The following FAM227B variants were observed in gnomAD, a reference collection of about 807,000 sequenced individuals.
The protein encoded by FAM227B is family with sequence similarity 227 member B.
FAM227B carries 88 observed loss-of-function variants against 73.8 expected under a neutral mutation model. The ratio of observed to expected loss-of-function variants is 1.19; its 90% CI spans 1.00 to 1.42. The LOEUF (loss-of-function observed/expected upper bound fraction) is 1.42. Ranked by LOEUF, FAM227B falls within the 40% of genes most tolerant of loss-of-function variation. The pLI is 0.00. For missense variants in FAM227B, 632 were observed against 590.9 expected, an observed-to-expected ratio of 1.07 and a Z score of -0.72; for synonymous variants, 210 against 190.5, an observed-to-expected ratio of 1.10 and a Z score of -0.84.
At chr15:49,424,184 C>T (rs1264076282) in intron 11 of FAM227B, 96 of 976,292 alleles carry the variant, frequency 9.8e-5, no homozygotes, top group Non-Finnish European at 1.4e-4. Context: ...ACTACTCTTT[C>T]TTAAATCAAT....
intron 11 of FAM227B, among the ~76,000 whole-genome samples, chr15:49,469,856 T>C (rs1343613228): frequency 6.6e-6 from 1 of 152,086 alleles, no homozygotes; most frequent in East Asian, 1.9e-4. Context: ...CTCTAAGAAG[T>C]CATAATGATA....
chr15:49,453,403 C>T (rs925854213), intron 11 of FAM227B, among the ~76,000 whole-genome samples: 1 of 152,060 alleles, frequency 6.6e-6, no homozygotes, highest in African/African-American at 2.4e-5. Context: ...CGTGCCTGGC[C>T]CAGTATAAAA....
intron 13 of FAM227B, among the ~76,000 whole-genome samples, chr15:49,336,653 A>T (rs945603351): frequency 1.3e-5 from 2 of 152,102 alleles, no homozygotes; most frequent in African/African-American, 4.8e-5. Context: ...ATTTTATTCA[A>T]TTTATTTAAA....
rs35392010 is a variant in FAM227B at position 49,568,349 on chromosome 15, TAA to T, written c.646-5_646-4del. 6.3e-7 allele frequency: 1 copy of T among 1,597,290 alleles called. No homozygotes were observed. The highest frequency in any genetic ancestry group is 8.5e-7 in the Non-Finnish European group (1 of 1,172,160). ...CAATCTTGGTTTTCTCTGTCAGGCT[TAA>T]AAAAATGTGTGAAATTAAAGTCAAT... On this transcript the variant is annotated splice_polypyrimidine_tract_variant and splice_region_variant and intron_variant, in intron 8 of 15. Coordinates refer to ENST00000299338, the MANE Select transcript of FAM227B (RefSeq NM_152647.3).
intron 12 of FAM227B, among the ~76,000 whole-genome samples, chr15:49,370,558 T>C (rs1226441962): frequency 1.3e-5 from 2 of 152,192 alleles, no homozygotes; most frequent in Non-Finnish European, 2.9e-5. Flanking sequence ...TTTATTAAAC[T>C]TGGGTTATTA....
chr15:49,484,769 T>A, intron 11 of FAM227B: 1 of 295,516 alleles, frequency 3.4e-6, no homozygotes, highest in Non-Finnish European at 6.2e-6. Flanking sequence ...ACAATCATGA[T>A]GTTAGTAACA....
At chr15:49,557,217 T>A (rs1391869153) in intron 9 of FAM227B, among the ~76,000 whole-genome samples, 2 of 152,186 alleles carry the variant, frequency 1.3e-5, no homozygotes, top group African/African-American at 4.8e-5. Flanking sequence ...CCTTAGAAAT[T>A]ATTATTTACT....
At chr15:49,369,148 G>C (rs1596630765) in intron 12 of FAM227B, among the ~76,000 whole-genome samples, 4 of 152,024 alleles carry the variant, frequency 2.6e-5, no homozygotes, top group South Asian at 2.1e-4. Flanking sequence ...TAGTAGAGAC[G>C]GGGTATCACC....
chr15:49,526,645 A>G (rs142763682), intron 10 of FAM227B, among the ~76,000 whole-genome samples: 5 of 152,132 alleles, frequency 3.3e-5, no homozygotes, highest in Non-Finnish European at 7.4e-5. Context: ...TTGATAGACC[A>G]TTAGGTAGAT....
chr15:49,557,232 G>A (rs1422484942), intron 9 of FAM227B, among the ~76,000 whole-genome samples: 1 of 151,996 alleles, frequency 6.6e-6, no homozygotes, highest in Non-Finnish European at 1.5e-5. Flanking sequence ...TTTACTTTAT[G>A]AAATATATAT....
At position 49,611,215 on chromosome 15, in the gene FAM227B, C is replaced by A. The variant is rs2077893619; in HGVS notation, c.105G>T (p.Trp35Cys). Residue 35 changes from tryptophan to cysteine, a missense_variant and splice_region_variant, in exon 3 of 16, where the codon TGG becomes TGT. Physicochemically the swap from Trp to Cys is radical, Grantham distance 215. Coordinates refer to ENST00000299338, the MANE Select transcript of FAM227B (RefSeq NM_152647.3). ...ACATAAAATAAGATGCTTTACTCAC[C>A]CAATTTTGAAACTTTAAGAATTCTT... ...SIEEFLKFQN[W>C]DYWPREIHFR... The A allele has an allele frequency of 6.3e-7, 1 of 1,575,712 alleles. No individual in the cohort carries two copies. Among genetic ancestry groups the A allele is most frequent in the African/African-American group, 1.3e-5 (1 of 74,088 alleles).
intron 11 of FAM227B, among the ~76,000 whole-genome samples, chr15:49,506,397 T>A (rs1384991587): frequency 6.6e-6 from 1 of 152,060 alleles, no homozygotes; most frequent in Non-Finnish European, 1.5e-5. Flanking sequence ...ACACCAGATT[T>A]AATCCACAGG....
At chr15:49,365,838 G>A (rs2045071888) in intron 13 of FAM227B, 2 of 882,228 alleles carry the variant, frequency 2.3e-6, no homozygotes, top group East Asian at 2.4e-5. Context: ...CCATGCTTTT[G>A]CCGCGACACT....
intron 11 of FAM227B, among the ~76,000 whole-genome samples, chr15:49,433,324 T>C (rs1389302037): frequency 6.6e-6 from 1 of 151,652 alleles, no homozygotes; most frequent in East Asian, 2.0e-4. Context: ...ATAAGTACCA[T>C]ATCTTACTTT....
At chr15:49,341,612 A>G (rs2040741766) in intron 13 of FAM227B, among the ~76,000 whole-genome samples, 1 of 152,290 alleles carries the variant, frequency 6.6e-6, no homozygotes, top group South Asian at 2.1e-4. Context: ...TCAATCTCCC[A>G]AAGTACTGGG....
intron 14 of FAM227B, among the ~76,000 whole-genome samples, chr15:49,333,131 A>C (rs1432573301): frequency 6.6e-6 from 1 of 152,088 alleles, no homozygotes; most frequent in Admixed American, 6.6e-5. Flanking sequence ...TTTAGTTTAC[A>C]ATCTCCCCTC....
At chr15:49,344,208 A>G (rs1045607507) in intron 13 of FAM227B, 1 of 152,190 alleles carries the variant, frequency 6.6e-6, no homozygotes, top group South Asian at 2.1e-4. Context: ...CAAAAGAAAG[A>G]AAATTATCAT....
intron 5 of FAM227B, among the ~76,000 whole-genome samples, chr15:49,587,195 C>T (rs751119183): frequency 6.6e-6 from 1 of 152,090 alleles, no homozygotes. Context: ...ATGGATCCAG[C>T]TGGAGGCCAT....
intron 11 of FAM227B, among the ~76,000 whole-genome samples, chr15:49,442,872 G>T (rs537846562): frequency 6.6e-6 from 1 of 151,812 alleles, no homozygotes; most frequent in African/African-American, 2.4e-5. Flanking sequence ...CCAAATATGT[G>T]CTGCTCACAC....
Sources: allele counts gnomAD v4.1 joint callset (sites outside exome capture counted in the v4.1 genomes callset), GRCh38; gene constraint gnomAD v4.1.1; transcripts MANE v1.5; gene names NCBI Gene and HGNC (gene_info 2026-07-23, HGNC 2026-07-21).